CDH20: variants seen among roughly 807,000 people sequenced by gnomAD.
CDH20 encodes the protein cadherin-20.
In CDH20, 29 loss-of-function variants were observed where a neutral mutation model predicts 74.2. The ratio of observed to expected loss-of-function variants is 0.39; its 90% confidence interval spans 0.29 to 0.53. The LOEUF is 0.53. Ranked by LOEUF, CDH20 falls within the 20% of genes least tolerant of loss-of-function variation. The probability of loss-of-function intolerance (pLI) is 0.69; values close to 1 mark genes in which losing one functional copy is unlikely to be tolerated. For synonymous variants in CDH20, 469 were observed against 405.4 expected (o/e 1.16, Z -1.88); for missense variants, 988 against 1,048.3 (o/e 0.94, Z 0.79).
intron 1 of CDH20, among the ~76,000 whole-genome samples, chr18:61,379,196 C>T (rs902501460): frequency 6.6e-6 from 1 of 152,120 alleles, no homozygotes; most frequent in Non-Finnish European, 1.5e-5. Context: ...AGAAGAGTGG[C>T]TCTCTTTATT....
chr18:61,355,220 TCTA>T (rs1242177482), intron 1 of CDH20, among the ~76,000 whole-genome samples: 2 of 152,266 alleles, frequency 1.3e-5, no homozygotes, highest in East Asian at 3.8e-4. Context: ...TTCAAATTAT[TCTA>T]CTGTTTTTAG....
At chr18:61,526,898 CA>C (rs1449967444) in intron 6 of CDH20, among the ~76,000 whole-genome samples, 2 of 152,158 alleles carry the variant, frequency 1.3e-5, no homozygotes, top group Non-Finnish European at 2.9e-5. Flanking sequence ...AGGGGATTGT[CA>C]GCAGGGTGTG....
At chr18:61,342,284 C>A (rs566422599) in intron 1 of CDH20, among the ~76,000 whole-genome samples, 2 of 152,284 alleles carry the variant, frequency 1.3e-5, no homozygotes, top group East Asian at 3.9e-4. Flanking sequence ...TTTAGCCATA[C>A]CTCTCTGCCA....
At chr18:61,549,155 C>T (rs1913347438) in intron 10 of CDH20, among the ~76,000 whole-genome samples, 1 of 152,174 alleles carries the variant, frequency 6.6e-6, no homozygotes, top group Admixed American at 6.5e-5. Flanking sequence ...CACCAGGAAA[C>T]TTGAGAATGT....
At chr18:61,497,019 C>T (rs1482443472) in intron 2 of CDH20, among the ~76,000 whole-genome samples, 1 of 149,914 alleles carries the variant, frequency 6.7e-6, no homozygotes, top group Non-Finnish European at 1.5e-5. Context: ...AAATGAAATG[C>T]CTTTCTATTC....
chr18:61,538,608 G>GTTTTTTTTTTTTTTTTTTTTTTTTTTTT lies in CDH20; in HGVS notation c.1409-411_1409-410insTTTTTTTTTTTTTTTTTTTTTTTTTTTT, dbSNP rs1449356386. Among the ~76,000 whole-genome samples the GTTTTTTTTTTTTTTTTTTTTTTTTTTTT allele has an allele frequency of 9.9e-4, 36 of 36,334 alleles. 6 individuals carry two copies. The highest frequency in any genetic ancestry group is 3.8e-3 in the East Asian group (3 of 794). 23.8% of individuals were successfully genotyped at this position (36,334 alleles called of 152,430 possible). A position where few individuals can be genotyped will look rare whatever the true frequency, so the allele number is the denominator to read the frequency against. Reference sequence around the variant, plus strand: ...TGTTTGTTTGTTTGTTTTTGTTTTTGTTTTTGTTTTTGTTTTGTTTTTTTT... The same window carrying GTTTTTTTTTTTTTTTTTTTTTTTTTTTT: ...TGTTTGTTTGTTTGTTTTTGTTTTTGTTTTTTTTTTTTTTTTTTTTTTTTTTTTTTTTTGTTTTTGTTTTGTTTTTTTT... On this transcript the variant is annotated intron_variant, in intron 8 of 11. Transcript: ENST00000262717.
At chr18:61,375,976 A>C (rs1335363234) in intron 1 of CDH20, among the ~76,000 whole-genome samples, 1 of 152,182 alleles carries the variant, frequency 6.6e-6, no homozygotes, top group Non-Finnish European at 1.5e-5. Flanking sequence ...ATTAAAATTT[A>C]ATTATCAACA....
intron 1 of CDH20, among the ~76,000 whole-genome samples, chr18:61,339,346 A>T (rs1909859601): frequency 6.6e-6 from 1 of 150,470 alleles, no homozygotes; most frequent in Non-Finnish European, 1.5e-5. Flanking sequence ...CAAGGGGTAC[A>T]TGTGCAAGTT....
chr18:61,472,666 T>G (rs1910224527), intron 1 of CDH20, among the ~76,000 whole-genome samples: 3 of 152,242 alleles, frequency 2.0e-5, no homozygotes, highest in African/African-American at 7.2e-5. Context: ...AATGAATGTG[T>G]CAATGTAATT....
At chr18:61,498,973 T>C (rs1412623551) in intron 2 of CDH20, among the ~76,000 whole-genome samples, 2 of 152,164 alleles carry the variant, frequency 1.3e-5, no homozygotes, top group Non-Finnish European at 2.9e-5. Flanking sequence ...GGATACAGAA[T>C]GGGACATGGA....
chr18:61,532,981 T>C (rs1912698558), intron 7 of CDH20, among the ~76,000 whole-genome samples: 1 of 152,182 alleles, frequency 6.6e-6, no homozygotes, highest in South Asian at 2.1e-4. Flanking sequence ...ACCTGTGTAA[T>C]TGCATAAAAG....
rs148455097 is a variant in CDH20 at position 61,544,982 on chromosome 18, T to C, written c.1531-45T>C. 4,172 of 1,358,648 alleles carry C rather than the reference T, an allele frequency of 3.1e-3. 19 individuals are homozygous for C. Among genetic ancestry groups the C allele is most frequent in the Non-Finnish European group, 3.9e-3 (3,740 of 946,990 alleles). The allele number at this position is 1,358,648 out of a possible 1,614,324, so 84.2% of individuals were successfully genotyped here. A position where few individuals can be genotyped will look rare whatever the true frequency, so the allele number is the denominator to read the frequency against. On this transcript the variant is annotated intron_variant, in intron 9 of 11. Transcript: ENST00000262717. Reference sequence around the variant, plus strand: ...TGGGATTTAACTGGGCCCTGGTGCTTTTTCCTTTGGCTCCAACTCACCTGA... The same window carrying C: ...TGGGATTTAACTGGGCCCTGGTGCTCTTTCCTTTGGCTCCAACTCACCTGA...
chr18:61,494,713 C>T (rs1911070792), intron 2 of CDH20, among the ~76,000 whole-genome samples: 1 of 152,032 alleles, frequency 6.6e-6, no homozygotes, highest in South Asian at 2.1e-4. Flanking sequence ...TTACAAAATC[C>T]ACACTGGGCT....
At chr18:61,407,175 TA>T (rs1912358141) in intron 1 of CDH20, among the ~76,000 whole-genome samples, 1 of 152,228 alleles carries the variant, frequency 6.6e-6, no homozygotes, top group Non-Finnish European at 1.5e-5. Flanking sequence ...CTCTTTATGA[TA>T]AGAGACAGTT....
chr18:61,360,375 A>G (rs775496964), intron 1 of CDH20, among the ~76,000 whole-genome samples: 1 of 152,234 alleles, frequency 6.6e-6, no homozygotes, highest in African/African-American at 2.4e-5. Flanking sequence ...ATTAATGAAC[A>G]AATGAATGGT....
intron 1 of CDH20, among the ~76,000 whole-genome samples, chr18:61,464,098 C>T (rs1178737104): frequency 2.0e-5 from 3 of 152,128 alleles, no homozygotes; most frequent in Non-Finnish European, 4.4e-5. Context: ...ATGTGATTCG[C>T]TTGCTATTAT....
chr18:61,339,127 G>A (rs1909852056), intron 1 of CDH20, among the ~76,000 whole-genome samples: 2 of 152,140 alleles, frequency 1.3e-5, no homozygotes, highest in South Asian at 4.2e-4. Context: ...GGACGTGAGG[G>A]GGGTGAGAAA....
intron 7 of CDH20, among the ~76,000 whole-genome samples, chr18:61,529,583 G>T (rs1244919867): frequency 6.6e-6 from 1 of 152,140 alleles, no homozygotes; most frequent in East Asian, 1.9e-4. Flanking sequence ...GATGGGGAGA[G>T]ATTAGTCAAC....
chr18:61,385,581 T>G (rs1040465149), intron 1 of CDH20, among the ~76,000 whole-genome samples: 2 of 142,686 alleles, frequency 1.4e-5, no homozygotes, highest in African/African-American at 2.5e-5. Context: ...AAAAAAAATT[T>G]GGGGAAAAAA....
Sources: gnomAD v4.1 joint callset for allele counts (sites outside exome capture counted in the v4.1 genomes callset) on GRCh38, gnomAD v4.1.1 for gene constraint, MANE v1.5 for transcripts, NCBI Gene and HGNC (gene_info 2026-07-23, HGNC 2026-07-21) for gene names.